ELN: variants seen among roughly 807,000 people sequenced by gnomAD.
ELN encodes the protein elastin, also known as tropoelastin.
Under a neutral mutation model 105.8 loss-of-function variants are expected in ELN, and 65 were observed. That is an observed-to-expected ratio of 0.61 (90% CI 0.50 to 0.75). The LOEUF (loss-of-function observed/expected upper bound fraction) is 0.75, where lower values mean the gene tolerates loss of function less well. ELN is among the 30% of genes least tolerant of loss of function. The pLI is 0.00. For synonymous variants in ELN, 368 were observed against 389.2 expected, an observed-to-expected ratio of 0.95 and a Z score of 0.64; for missense variants, 882 against 969.4, an observed-to-expected ratio of 0.91 and a Z score of 1.20.
At chr7:74,038,381 G>A (rs1790448685) in intron 4 of ELN, among the ~76,000 whole-genome samples, 1 of 152,206 alleles carries the variant, frequency 6.6e-6, no homozygotes, top group Non-Finnish European at 1.5e-5. Flanking sequence ...AGCCCAAGCT[G>A]AGCACCGACC....
At chr7:74,042,007 T>C (rs1437190843) in intron 5 of ELN, among the ~76,000 whole-genome samples, 6 of 148,446 alleles carry the variant, frequency 4.0e-5, no homozygotes, top group Admixed American at 2.0e-4. Context: ...CCCAAAGTGC[T>C]GGGATGACAG....
At chr7:74,029,307 A>G (rs1368547451) in intron 1 of ELN, among the ~76,000 whole-genome samples, 1 of 152,032 alleles carries the variant, frequency 6.6e-6, no homozygotes, top group Non-Finnish European at 1.5e-5. Flanking sequence ...CAGAGGCTGG[A>G]GTGGATCCTG....
At chr7:74,047,988 A>T (rs782723178) in intron 13 of ELN, among the ~76,000 whole-genome samples, 154 bp from the exon 14 acceptor site, 17 of 151,650 alleles carry the variant, frequency 1.1e-4, no homozygotes, top group Non-Finnish European at 2.2e-4. Context: ...GGACATAACA[A>T]CTCCATACAT....
At position 74,064,727 on chromosome 7, in the gene ELN, G is replaced by A. The variant is rs184300040; in HGVS notation, c.1994-967G>A. Among the ~76,000 whole-genome samples, 10 of 152,348 alleles carry A rather than the reference G, an allele frequency of 6.6e-5. 1 individual carries two copies. Among genetic ancestry groups the A allele is most frequent in the African/African-American group, 2.2e-4 (9 of 41,590 alleles). On this transcript the variant is annotated intron_variant, in intron 29 of 32. Coordinates refer to ENST00000252034, the MANE Select transcript of ELN (RefSeq NM_000501.4). ...TCTTTCAACCCACCTGACCACTGCGGTGGGAGTAAATTAGGAGAATGATGG... is the reference window on the plus strand; with the variant it reads ...TCTTTCAACCCACCTGACCACTGCGATGGGAGTAAATTAGGAGAATGATGG...
At chr7:74,067,928 C>A (rs1364400032) in intron 32 of ELN, among the ~76,000 whole-genome samples, 1 of 112,198 alleles carries the variant, frequency 8.9e-6, no homozygotes, top group African/African-American at 3.9e-5. Flanking sequence ...AAGACGATTG[C>A]GTCTCAAAAA....
chr7:74,066,699 T>A, intron 31 of ELN, 33 bp from the exon 32 acceptor site: 1 of 1,613,610 alleles, frequency 6.2e-7, no homozygotes, highest in Non-Finnish European at 8.5e-7. Context: ...TTTCCACCCC[T>A]ACCAACCCAC....
intron 18 of ELN, among the ~76,000 whole-genome samples, chr7:74,054,424 C>T (rs547135484): frequency 4.0e-5 from 6 of 150,230 alleles, no homozygotes; most frequent in Admixed American, 1.3e-4. Context: ...GAGCTGAGAT[C>T]GCGCTATTGC....
rs1218299965 is a variant in ELN, at chr7:74,063,534, C to T, written c.1919-87C>T. 2.9e-5 allele frequency: 47 copies of T among 1,611,276 alleles called. No homozygotes were observed. Among genetic ancestry groups the T allele is most frequent in the Non-Finnish European group, 3.8e-5 (45 of 1,178,594 alleles). On this transcript the variant is annotated intron_variant, in intron 28 of 32. Transcript: ENST00000252034. The surrounding 1 kb of genome is among the most constrained non-coding windows in gnomAD (Gnocchi z 4.1). ...GGAGACCTCAGGCTCCACCTGTGTC[C>T]CCAGAGGACACCTCCGCCCTCCACA...
chr7:74,056,253 G>T lies in ELN; in HGVS notation c.1151-18G>T. On this transcript the variant is annotated intron_variant, in intron 19 of 32. Transcript: ENST00000252034. ...TCTCACTGAGCTTCTTTTCTACTTG[G>T]CTCCCTTCCCTCTGCAGGGGCCAGG... The T allele has an allele frequency of 6.2e-7, 1 of 1,614,168 alleles. No individual in the cohort carries two copies. The highest frequency in any genetic ancestry group is 8.5e-7 in the Non-Finnish European group (1 of 1,180,030).
At chr7:74,048,419 G>A in intron 14 of ELN, 84 bp from the exon 15 acceptor site, 1 of 1,600,042 alleles carries the variant, frequency 6.2e-7, no homozygotes, top group Non-Finnish European at 8.6e-7. Context: ...CAGTGGATTG[G>A]CTCTCTTGGG....
intron 22 of ELN, among the ~76,000 whole-genome samples, chr7:74,058,198 C>G (rs1795767017): frequency 6.7e-6 from 1 of 148,560 alleles, no homozygotes; most frequent in Admixed American, 6.8e-5. Context: ...CCTGCTTCTC[C>G]TTTCTTCTCC....
intron 26 of ELN, among the ~76,000 whole-genome samples, 196 bp downstream of exon 26, chr7:74,061,335 G>A (rs1796604382): frequency 6.6e-6 from 1 of 152,120 alleles, no homozygotes. Flanking sequence ...TGAACAATAT[G>A]GTTAAACCCC....
Position 74,068,641 on chromosome 7 carries a change from A to G in ELN, c.2132-16A>G, listed in dbSNP as rs568593683. 192 of 1,613,918 alleles carry G rather than the reference A, an allele frequency of 1.2e-4. No homozygotes were observed. The South Asian group carries it at 2.0e-3, about 17-fold the overall frequency. ...AGGGGCCGGACTCACAGTGATGTGC[A>G]CCTCCTCCCGTCCAGGTGGGGCCTG... On this transcript the variant is annotated splice_polypyrimidine_tract_variant and intron_variant, in intron 32 of 32. Transcript: ENST00000252034.
In ELN at chr7:74,028,282, C is replaced by T. The variant is rs782398296; in HGVS notation, c.82+13C>T. 33 of 1,602,580 alleles carry T rather than the reference C, an allele frequency of 2.1e-5. No homozygotes were observed. The highest frequency in any genetic ancestry group is 1.7e-4 in the Middle Eastern group (1 of 6,060). ...TCTCGGCCTGGAGGTAAGGACCCCT[C>T]GCCCCTGTCCCCAGCGCTGCCCACA... On this transcript the variant is annotated intron_variant, in intron 1 of 32. Transcript: ENST00000252034.
At position 74,060,030 on chromosome 7, in the gene ELN, G is replaced by A. The variant is rs1554683115; in HGVS notation, c.1559G>A (p.Gly520Asp). ...APGVGVAPGI[G>D]PGGVAAAAKS... is the part of the protein sequence containing the mutation. ...GGCGTTGGCGTGGCTCCCGGCATTGGCCCTGGTGGAGTTGCAGGTGAGTTT... is the reference window on the plus strand; with the variant it reads ...GGCGTTGGCGTGGCTCCCGGCATTGACCCTGGTGGAGTTGCAGGTGAGTTT... Residue 520 changes from glycine to aspartate, a missense_variant, in exon 23 of 33, where the codon GGC (glycine) becomes GAC (aspartate). Coordinates refer to ENST00000252034, the MANE Select transcript of ELN (RefSeq NM_000501.4). 1.2e-6 allele frequency: 2 copies of A among 1,614,106 alleles called. No homozygotes were observed. The highest frequency in any genetic ancestry group is 4.5e-5 in the East Asian group (2 of 44,860).
chr7:74,032,658 G>A (rs890505363), intron 1 of ELN, among the ~76,000 whole-genome samples: 32 of 152,182 alleles, frequency 2.1e-4, no homozygotes, highest in Non-Finnish European at 3.7e-4. Flanking sequence ...TCTGAACGGT[G>A]GGGGTGGAGA....
chr7:74,037,639 G>A, intron 3 of ELN, 68 bp from the exon 4 acceptor site: 1 of 1,580,402 alleles, frequency 6.3e-7, no homozygotes, highest in Non-Finnish European at 8.6e-7. Context: ...TGCCCGGGTT[G>A]GGGGTTGGAT....
intron 15 of ELN, among the ~76,000 whole-genome samples, chr7:74,050,214 A>C (rs1454772570): frequency 3.3e-4 from 33 of 98,732 alleles, no homozygotes; most frequent in Admixed American, 5.1e-4. Flanking sequence ...TCTACCCATC[A>C]ATTCTTCCTT....
In ELN at chr7:74,045,173, G is replaced by A. The variant is rs782219589; in HGVS notation, c.470-49G>A. The A allele has an allele frequency of 1.4e-5, 22 of 1,610,288 alleles. No homozygotes were observed. The African/African-American group carries it at 1.7e-4, about 13-fold the overall frequency. On this transcript the variant is annotated intron_variant, in intron 9 of 32. Transcript: ENST00000252034. ...CCGAGGAGGGGAGGGGTTCCCAGCA[G>A]GGCCTGCAAGGCCTGCCTTCCTACA...
Sources: gnomAD v4.1 joint callset for allele counts (sites outside exome capture counted in the v4.1 genomes callset) on GRCh38, gnomAD v4.1.1 for gene constraint, Gnocchi (gnomAD v3.1) non-coding constraint, MANE v1.5 for transcripts, NCBI Gene and HGNC (gene_info 2026-07-23, HGNC 2026-07-21) for gene names.